The following SLC45A4 variants were observed in gnomAD, a reference collection of about 807,000 sequenced individuals.
The protein encoded by SLC45A4 is solute carrier family 45 member 4.
Under a neutral mutation model 63.7 loss-of-function variants are expected in SLC45A4, and 32 were observed. The ratio of observed to expected loss-of-function variants is 0.50; its 90% CI spans 0.38 to 0.67. SLC45A4 has a LOEUF of 0.67. Ranked by LOEUF, SLC45A4 falls within the 30% of genes least tolerant of loss-of-function variation. The probability of loss-of-function intolerance (pLI) is 0.00; values close to 1 mark genes in which losing one functional copy is unlikely to be tolerated. For synonymous variants in SLC45A4, 535 were observed against 510.0 expected (o/e 1.05, Z -0.66); for missense variants, 1,027 against 1,157.7 (o/e 0.89, Z 1.64).
chr8:141,217,783 G>A (rs1826254812), intron 5 of SLC45A4, among the ~76,000 whole-genome samples: 2 of 152,222 alleles, frequency 1.3e-5, no homozygotes, highest in Admixed American at 6.5e-5. Context: ...CTCACCGCGG[G>A]CCTCACTGCA....
intron 1 of SLC45A4, among the ~76,000 whole-genome samples, chr8:141,268,282 A>C (rs1048421189): frequency 6.6e-6 from 1 of 152,220 alleles, no homozygotes; most frequent in Non-Finnish European, 1.5e-5. Flanking sequence ...ACACAGTAAA[A>C]GAAGCAGCGG....
intron 1 of SLC45A4, among the ~76,000 whole-genome samples, chr8:141,264,894 C>T (rs1829196013): frequency 6.6e-6 from 1 of 152,218 alleles, no homozygotes; most frequent in Admixed American, 6.5e-5. Context: ...GAAGGTACTA[C>T]CCAGACAGTT....
rs1828680018 is a variant in SLC45A4 at position 141,254,655 on chromosome 8, CAG to C, written c.-400-28_-400-27del. On this transcript the variant is annotated intron_variant, in intron 1 of 8. Transcript: ENST00000517878. This position sits in a 1 kb window ranked among gnomAD's most constrained non-coding sequence, Gnocchi z 4.5. ...CTGCAAAAGAGGAAAACAACCCGGC[CAG>C]AGAGTCAGGGGACGGCCACCAGATG... The C allele has an allele frequency of 5.7e-6, 4 of 697,184 alleles. No homozygotes were observed. The highest frequency in any genetic ancestry group is 4.5e-5 in the South Asian group (3 of 66,864). 43.2% of individuals were successfully genotyped at this position (697,184 alleles called of 1,614,324 possible).
rs1020819282 is a variant in SLC45A4 at position 141,228,120 on chromosome 8, C to T, written c.242-6355G>A. The stretch of plus-strand genomic sequence containing the variant: ...GTGCCCGAGAGGCTGTGGCTCACCG[C>T]AAGCTTTAGATGGAGTGATCTGGGT... On this transcript the variant is annotated intron_variant, in intron 2 of 8. Coordinates refer to ENST00000517878, the MANE Select transcript of SLC45A4 (RefSeq NM_001286646.2). The T allele has an allele frequency of 3.7e-6, 6 of 1,607,128 alleles. No individual in the cohort carries two copies. In the Admixed American group the frequency reaches 5.0e-5, roughly 13 times the overall value.
chr8:141,289,482 G>C (rs1242291633), intron 1 of SLC45A4, among the ~76,000 whole-genome samples: 1 of 152,186 alleles, frequency 6.6e-6, no homozygotes, highest in African/African-American at 2.4e-5. Flanking sequence ...CAGGGCTCCA[G>C]ATGGGAAACA....
intron 1 of SLC45A4, among the ~76,000 whole-genome samples, chr8:141,301,868 G>C (rs899459594): frequency 1.3e-5 from 2 of 151,820 alleles, no homozygotes; most frequent in African/African-American, 2.4e-5. Flanking sequence ...AGGCTGGAGA[G>C]AGAGAATTGC....
chr8:141,261,913 A>G (rs1486691091), intron 1 of SLC45A4, among the ~76,000 whole-genome samples: 1 of 151,614 alleles, frequency 6.6e-6, no homozygotes, highest in Non-Finnish European at 1.5e-5. Context: ...CCTGCATCGC[A>G]TCCTAAGCCA....
intron 7 of SLC45A4, among the ~76,000 whole-genome samples, chr8:141,213,611 C>T (rs569544277): frequency 1.2e-3 from 177 of 152,268 alleles, no homozygotes; most frequent in African/African-American, 3.8e-3. Flanking sequence ...CAAATATTAG[C>T]CTGGAAATCA....
intron 1 of SLC45A4, among the ~76,000 whole-genome samples, chr8:141,271,853 A>G (rs913724841): frequency 8.6e-5 from 13 of 151,824 alleles, no homozygotes; most frequent in Non-Finnish European, 1.8e-4. Context: ...CTGTGTACAC[A>G]CACACACACG....
At chr8:141,258,038 T>G (rs374848522) in intron 1 of SLC45A4, among the ~76,000 whole-genome samples, 1 of 151,042 alleles carries the variant, frequency 6.6e-6, no homozygotes, top group East Asian at 1.9e-4. Context: ...TGTTGTACAT[T>G]CTCCTTTTTT....
chr8:141,264,016 T>G (rs1487021337), intron 1 of SLC45A4, among the ~76,000 whole-genome samples: 1 of 152,122 alleles, frequency 6.6e-6, no homozygotes, highest in Non-Finnish European at 1.5e-5. Context: ...TGAGTATTTC[T>G]TCAGTTAAAG....
chr8:141,279,046 G>C (rs1411142686), intron 1 of SLC45A4, among the ~76,000 whole-genome samples: 1 of 152,192 alleles, frequency 6.6e-6, no homozygotes, highest in African/African-American at 2.4e-5. Context: ...ACACCTTCCA[G>C]CTCCAGCCTT....
intron 8 of SLC45A4, 56 bp downstream of exon 8, chr8:141,212,141 C>CT: frequency 9.0e-7 from 1 of 1,109,166 alleles, no homozygotes. Context: ...CCCCGCCGCC[C>CT]GCCCGCCCGC....
intron 2 of SLC45A4, among the ~76,000 whole-genome samples, chr8:141,241,930 G>C (rs527817757): frequency 1.4e-3 from 210 of 152,380 alleles, no homozygotes; most frequent in Middle Eastern, 3.4e-3. Flanking sequence ...AGCTGTGAAG[G>C]CATGGTGCAT....
At position 141,227,370 on chromosome 8, in the gene SLC45A4, A is replaced by G. The variant is rs1827072481; in HGVS notation, c.242-5605T>C. On this transcript the variant is annotated intron_variant, in intron 2 of 8. Transcript: ENST00000517878. The surrounding 1 kb of genome is among the most constrained non-coding windows in gnomAD (Gnocchi z 4.4). ...GGAAAGTCGCCTATAAATGTTTAACAAAAGATCCGCAATGGGAACAGGAAC... is the reference window on the plus strand; with the variant it reads ...GGAAAGTCGCCTATAAATGTTTAACGAAAGATCCGCAATGGGAACAGGAAC... 6.6e-6 allele frequency among the ~76,000 whole-genome samples: 1 copy of G among 152,214 alleles called. No homozygotes were observed. The highest frequency in any genetic ancestry group is 2.4e-5 in the African/African-American group (1 of 41,440).
chr8:141,222,077 C>T (rs1018940421), intron 2 of SLC45A4, among the ~76,000 whole-genome samples: 49 of 139,442 alleles, frequency 3.5e-4, no homozygotes, highest in African/African-American at 1.2e-3. Flanking sequence ...ACATGGAGGG[C>T]GCCCCGCCCA....
At chr8:141,298,821 G>A (rs1012399026) in intron 1 of SLC45A4, among the ~76,000 whole-genome samples, 8 of 152,094 alleles carry the variant, frequency 5.3e-5, no homozygotes, top group South Asian at 2.1e-4. Flanking sequence ...GGGAGTGACC[G>A]CAAAGGTGCC....
intron 1 of SLC45A4, among the ~76,000 whole-genome samples, chr8:141,293,458 A>G (rs1830430422): frequency 6.6e-6 from 1 of 151,556 alleles, no homozygotes; most frequent in Non-Finnish European, 1.5e-5. Context: ...CGTCTCGAAG[A>G]AAAAAAAAGA....
rs988338969 is a variant in SLC45A4, at chr8:141,218,625, A to G, written c.1015T>C (p.Ser339Pro). 1 of 1,613,242 alleles carries G rather than the reference A, an allele frequency of 6.2e-7. No individual in the cohort carries two copies. Among genetic ancestry groups the G allele is most frequent in the Non-Finnish European group, 8.5e-7 (1 of 1,179,890 alleles). ...GTGCTGCGGGGGGTGGCGGGGTAGG[A>G]GGCGTCGTGGAAGATGGAGGGCTCG... The part of the protein sequence containing the change: ...DIEPSIFHDA[S>P]YPATPRSTSQ... Residue 339 changes from serine (S) to proline (P), a missense_variant, in exon 5 of 9, where the codon TCC becomes CCC. Coordinates refer to ENST00000517878, the MANE Select transcript of SLC45A4 (RefSeq NM_001286646.2).
Sources: gnomAD v4.1 joint callset for allele counts (sites outside exome capture counted in the v4.1 genomes callset) on GRCh38, gnomAD v4.1.1 for gene constraint, Gnocchi (gnomAD v3.1) non-coding constraint, MANE v1.5 for transcripts, NCBI Gene and HGNC (gene_info 2026-07-23, HGNC 2026-07-21) for gene names.